Variants in CDH4 observed in about 807,000 individuals in gnomAD.
CDH4 encodes the protein cadherin 4.
A neutral mutation model predicts 86.0 loss-of-function variants in CDH4; 33 were observed. The ratio of observed to expected loss-of-function variants is 0.38; its 90% CI spans 0.29 to 0.51. The LOEUF (loss-of-function observed/expected upper bound fraction) is 0.51. CDH4 is among the 20% of genes least tolerant of loss of function. CDH4 has a pLI of 0.86. For synonymous variants in CDH4, 555 were observed against 549.4 expected, an observed-to-expected ratio of 1.01 and a Z score of -0.14; for missense variants, 1,114 against 1,307.4, an observed-to-expected ratio of 0.85 and a Z score of 2.28.
intron 4 of CDH4, among the ~76,000 whole-genome samples, chr20:61,804,512 C>T (rs944047720): frequency 2.6e-5 from 4 of 152,212 alleles, no homozygotes; most frequent in Non-Finnish European, 4.4e-5. Context: ...CTCTGAGCCA[C>T]ACCGAAAGCA....
intron 2 of CDH4, among the ~76,000 whole-genome samples, chr20:61,507,000 C>T (rs563389803): frequency 1.3e-5 from 2 of 152,314 alleles, no homozygotes; most frequent in East Asian, 1.9e-4. Flanking sequence ...ATCAGTGGCT[C>T]GTAACCATGG....
intron 4 of CDH4, among the ~76,000 whole-genome samples, chr20:61,796,960 G>C (rs1979560819): frequency 6.6e-6 from 1 of 152,114 alleles, no homozygotes; most frequent in African/African-American, 2.4e-5. Flanking sequence ...CGGCTTGCTT[G>C]GGAGCGCCAT....
intron 2 of CDH4, among the ~76,000 whole-genome samples, chr20:61,737,495 G>A (rs577655453): frequency 7.9e-5 from 12 of 152,270 alleles, no homozygotes; most frequent in Admixed American, 2.0e-4. Flanking sequence ...GCCCTTGTGT[G>A]ACCCCACTGC....
At chr20:61,313,529 G>T (rs1333140599) in intron 2 of CDH4, among the ~76,000 whole-genome samples, 1 of 152,180 alleles carries the variant, frequency 6.6e-6, no homozygotes, top group Non-Finnish European at 1.5e-5. Context: ...CACAGTGCAT[G>T]GACCACTGCG....
At chr20:61,794,192 T>C (rs1035883226) in intron 4 of CDH4, among the ~76,000 whole-genome samples, 5 of 150,824 alleles carry the variant, frequency 3.3e-5, no homozygotes, top group Non-Finnish European at 7.4e-5. Flanking sequence ...CCTCTCACCC[T>C]GGCAGCTCAG....
rs181344351 is a variant in CDH4 at position 61,839,331 on chromosome 20, C to T, written c.577-5337C>T. 2.4e-3 allele frequency among the ~76,000 whole-genome samples: 365 copies of T among 151,120 alleles called. 1 individual carries two copies. The highest frequency in any genetic ancestry group is 4.2e-3 in the Non-Finnish European group (282 of 67,778). ...TGTGTTCTGTGTGTGTGTGTTCGTG[C>T]GTATGCATATTTTGTGTTTGTGTAT... is the stretch of plus-strand genomic sequence containing the variant. On this transcript the variant is annotated intron_variant, in intron 4 of 15. Transcript: ENST00000614565.
At chr20:61,349,730 C>T (rs913955439) in intron 2 of CDH4, among the ~76,000 whole-genome samples, 9 of 152,272 alleles carry the variant, frequency 5.9e-5, no homozygotes, top group Middle Eastern at 3.4e-3. Context: ...CTCGTGGAGA[C>T]GGCTCTCAGG....
At chr20:61,581,384 C>T (rs1301735316) in intron 2 of CDH4, among the ~76,000 whole-genome samples, 1 of 152,166 alleles carries the variant, frequency 6.6e-6, no homozygotes, top group African/African-American at 2.4e-5. Flanking sequence ...AGGGATGGCT[C>T]CTCCTGGAGG....
chr20:61,547,851 C>T (rs910656920), intron 2 of CDH4, among the ~76,000 whole-genome samples: 1 of 152,230 alleles, frequency 6.6e-6, no homozygotes, highest in African/African-American at 2.4e-5. Flanking sequence ...ATGTGTAAAG[C>T]GGCACCGCGT....
intron 3 of CDH4, among the ~76,000 whole-genome samples, chr20:61,744,833 C>T (rs146343568): frequency 6.6e-6 from 1 of 152,222 alleles, no homozygotes; most frequent in Non-Finnish European, 1.5e-5. Flanking sequence ...GTTCCCCGTG[C>T]CTGACGGGGA....
At chr20:61,846,213 C>A (rs1209231008) in intron 5 of CDH4, among the ~76,000 whole-genome samples, 1 of 152,236 alleles carries the variant, frequency 6.6e-6, no homozygotes, top group African/African-American at 2.4e-5. Flanking sequence ...CGGCTGCCTC[C>A]TGGGAAGGCT....
At chr20:61,304,209 C>T (rs985786653) in intron 2 of CDH4, among the ~76,000 whole-genome samples, 1 of 152,088 alleles carries the variant, frequency 6.6e-6, no homozygotes, top group Admixed American at 6.5e-5. Context: ...CTCTGCCCAT[C>T]CTCCGAACGC....
At chr20:61,772,826 T>C (rs6121801) in intron 3 of CDH4, among the ~76,000 whole-genome samples, 177 bp from the exon 4 acceptor site, 48 of 151,984 alleles carry the variant, frequency 3.2e-4, no homozygotes, top group South Asian at 6.2e-4. Flanking sequence ...TTTTTTTTTT[T>C]CCCTAATAGT....
At chr20:61,865,222 CT>C in intron 6 of CDH4, among the ~76,000 whole-genome samples, 1 of 152,274 alleles carries the variant, frequency 6.6e-6, no homozygotes, top group South Asian at 2.1e-4. Flanking sequence ...AGGTGATGAA[CT>C]GACTTCCTGG....
chr20:61,874,341 G>A (rs780471949), intron 7 of CDH4, among the ~76,000 whole-genome samples: 1 of 152,174 alleles, frequency 6.6e-6, no homozygotes, highest in Non-Finnish European at 1.5e-5. Flanking sequence ...TGTGACGAAG[G>A]GGGCATGGAG....
chr20:61,320,009 C>T (rs1396727614), intron 2 of CDH4, among the ~76,000 whole-genome samples: 4 of 151,702 alleles, frequency 2.6e-5, no homozygotes, highest in African/African-American at 9.7e-5. Flanking sequence ...AACATCCAGC[C>T]AATGGTATTT....
At chr20:61,260,324 G>A (rs1173847982) in intron 2 of CDH4, among the ~76,000 whole-genome samples, 3 of 152,176 alleles carry the variant, frequency 2.0e-5, no homozygotes, top group Non-Finnish European at 4.4e-5. Context: ...TTGAATAAAT[G>A]AACAGTCACT....
intron 2 of CDH4, among the ~76,000 whole-genome samples, chr20:61,539,736 C>A (rs1487907928): frequency 1.3e-5 from 2 of 152,102 alleles, no homozygotes; most frequent in Admixed American, 6.5e-5. Flanking sequence ...CTGGTGGTGT[C>A]CCCCCCAAGC....
chr20:61,844,040 T>C (rs956169245), intron 4 of CDH4, among the ~76,000 whole-genome samples: 3 of 152,188 alleles, frequency 2.0e-5, no homozygotes, highest in South Asian at 2.1e-4. Flanking sequence ...ATGCTACCAG[T>C]GTCCTTTCTG....
Sources: gnomAD v4.1 joint callset for allele counts (sites outside exome capture counted in the v4.1 genomes callset) on GRCh38, gnomAD v4.1.1 for gene constraint, MANE v1.5 for transcripts, NCBI Gene and HGNC (gene_info 2026-07-23, HGNC 2026-07-21) for gene names.